The following ANKFN1 variants were observed in gnomAD, a reference collection of about 807,000 sequenced individuals.
ANKFN1 encodes ankyrin repeat and fibronectin type III domain containing 1.
A neutral mutation model predicts 108.7 loss-of-function variants in ANKFN1; 74 were observed. That is an observed-to-expected ratio of 0.68 (90% CI 0.56 to 0.83). The LOEUF (loss-of-function observed/expected upper bound fraction) is 0.83. Among genes scored for constraint, ANKFN1 ranks in the 40% least tolerant of loss-of-function variants. The pLI is 0.00. For synonymous variants in ANKFN1, 547 were observed against 516.2 expected (o/e 1.06, Z -0.81); for missense variants, 1,505 against 1,382.3 (o/e 1.09, Z -1.41).
intron 8 of ANKFN1, among the ~76,000 whole-genome samples, chr17:56,418,960 G>T (rs899347084): frequency 6.6e-6 from 1 of 152,194 alleles, no homozygotes; most frequent in Non-Finnish European, 1.5e-5. Flanking sequence ...AGAGAAGCTT[G>T]GTTCAACTCC....
chr17:56,237,398 A>G (rs1004962231), intron 3 of ANKFN1, among the ~76,000 whole-genome samples: 3 of 152,140 alleles, frequency 2.0e-5, no homozygotes, highest in Non-Finnish European at 4.4e-5. Context: ...TTCTGCTGTG[A>G]ATTCATCTAG....
chr17:56,307,140 G>A (rs1374333693), intron 3 of ANKFN1, among the ~76,000 whole-genome samples: 2 of 152,118 alleles, frequency 1.3e-5, no homozygotes, highest in Admixed American at 6.6e-5. Flanking sequence ...GAAAACCTAG[G>A]CAATACCATT....
chr17:56,345,469 C>T (rs980341698), intron 4 of ANKFN1, among the ~76,000 whole-genome samples: 1 of 152,096 alleles, frequency 6.6e-6, no homozygotes, highest in Non-Finnish European at 1.5e-5. Context: ...AATCACCACA[C>T]TGTCTTTCAC....
intron 8 of ANKFN1, among the ~76,000 whole-genome samples, chr17:56,386,072 A>G (rs2144845447): frequency 6.6e-6 from 1 of 152,306 alleles, no homozygotes; most frequent in Non-Finnish European, 1.5e-5. Flanking sequence ...GAAGCAACCC[A>G]AATGTCCAAC....
In ANKFN1 at chr17:56,511,515, A is replaced by C; in HGVS notation, c.*246A>C. On this transcript the variant is annotated 3_prime_UTR_variant, in exon 21 of 21. Coordinates refer to ENST00000682825, the MANE Select transcript of ANKFN1 (RefSeq NM_001370326.1). ...GGGAGTTGTGTCAACATGGAATACG[A>C]CATACAGTGACTCAAACATGCCACC... is the stretch of plus-strand genomic sequence containing the variant. 2.1e-6 allele frequency: 1 copy of C among 480,752 alleles called. No individual in the cohort carries two copies. Among genetic ancestry groups the C allele is most frequent in the Non-Finnish European group, 3.7e-6 (1 of 272,592 alleles). 29.8% of individuals were successfully genotyped at this position (480,752 alleles called of 1,614,324 possible).
intron 4 of ANKFN1, among the ~76,000 whole-genome samples, chr17:56,060,993 G>C (rs1364513603): frequency 6.6e-6 from 1 of 152,152 alleles, no homozygotes; most frequent in African/African-American, 2.4e-5. Context: ...GTTTGGAATA[G>C]TTTCAGAAGG....
chr17:56,070,863 T>C (rs1199841690), intron 4 of ANKFN1, among the ~76,000 whole-genome samples: 6 of 152,026 alleles, frequency 3.9e-5, no homozygotes, highest in African/African-American at 1.4e-4. Context: ...GCCTCCCAAG[T>C]AGCTGGGACT....
At chr17:56,110,118 G>A (rs1483975075) in intron 4 of ANKFN1, among the ~76,000 whole-genome samples, 1 of 152,198 alleles carries the variant, frequency 6.6e-6, no homozygotes, top group East Asian at 1.9e-4. Context: ...AACAACAACA[G>A]CATCAACAAA....
chr17:56,402,865 C>G (rs1412464747), intron 8 of ANKFN1, among the ~76,000 whole-genome samples: 1 of 152,104 alleles, frequency 6.6e-6, no homozygotes, highest in East Asian at 1.9e-4. Flanking sequence ...CCTCTTAGCA[C>G]CGCCTTGCTG....
chr17:56,484,747 A>G (rs2050806413), intron 18 of ANKFN1, among the ~76,000 whole-genome samples: 1 of 152,230 alleles, frequency 6.6e-6, no homozygotes, highest in African/African-American at 2.4e-5. Flanking sequence ...CAGAGAAAAG[A>G]ATTAAAGAAA....
chr17:56,296,234 A>T (rs991253649), intron 3 of ANKFN1, among the ~76,000 whole-genome samples: 2 of 152,184 alleles, frequency 1.3e-5, no homozygotes, highest in Non-Finnish European at 2.9e-5. Context: ...AAGAAATCAG[A>T]GAACATTCTA....
intron 19 of ANKFN1, among the ~76,000 whole-genome samples, chr17:56,492,683 C>A: frequency 6.6e-6 from 1 of 151,960 alleles, no homozygotes; most frequent in Non-Finnish European, 1.5e-5. Context: ...ATTGACAATT[C>A]TAATGGAAAG....
intron 4 of ANKFN1, among the ~76,000 whole-genome samples, chr17:56,343,533 C>T (rs1470530112): frequency 6.6e-6 from 1 of 151,698 alleles, no homozygotes; most frequent in Non-Finnish European, 1.5e-5. Context: ...CTCTCTATGT[C>T]TTTGGCTTCT....
chr17:56,106,884 A>C (rs1271621289), intron 4 of ANKFN1, among the ~76,000 whole-genome samples: 2 of 152,158 alleles, frequency 1.3e-5, no homozygotes, highest in East Asian at 3.9e-4. Flanking sequence ...AGGTAACTGA[A>C]GCAGTGGGCA....
chr17:56,455,488 A>G (rs2049655290), intron 11 of ANKFN1, among the ~76,000 whole-genome samples: 1 of 152,194 alleles, frequency 6.6e-6, no homozygotes, highest in Admixed American at 6.5e-5. Context: ...ATAGCCAAAG[A>G]CACACTGGCC....
intron 4 of ANKFN1, among the ~76,000 whole-genome samples, chr17:56,339,470 C>T (rs2045905307): frequency 1.3e-5 from 2 of 152,034 alleles, no homozygotes; most frequent in South Asian, 4.1e-4. Flanking sequence ...TATCCTTCAC[C>T]CTCTGAAAGG....
chr17:56,177,731 T>G (rs1192162033), intron 1 of ANKFN1, among the ~76,000 whole-genome samples: 6 of 152,238 alleles, frequency 3.9e-5, no homozygotes, highest in Non-Finnish European at 1.5e-5. Context: ...AAATATTATT[T>G]TCTATGATAT....
intron 17 of ANKFN1, 62 bp from the exon 18 acceptor site, chr17:56,482,294 T>G: frequency 7.1e-7 from 1 of 1,401,096 alleles, no homozygotes; most frequent in Non-Finnish European, 9.5e-7. Context: ...CAGTTTGGTG[T>G]TGTTTATGTA....
At chr17:56,188,581 G>GTGTGTGTGTA (rs1212242378) in intron 1 of ANKFN1, among the ~76,000 whole-genome samples, 24 of 49,650 alleles carry the variant, frequency 4.8e-4, no homozygotes, top group South Asian at 7.6e-4. Flanking sequence ...GTGTGTGTGT[G>GTGTGTGTGTA]TATATATATA....
Sources: allele counts gnomAD v4.1 joint callset (sites outside exome capture counted in the v4.1 genomes callset), GRCh38; gene constraint gnomAD v4.1.1; transcripts MANE v1.5; gene names NCBI Gene and HGNC (gene_info 2026-07-23, HGNC 2026-07-21).